Variants in DOCK1 observed in about 807,000 individuals in gnomAD.
DOCK1 encodes dedicator of cytokinesis 1.
A neutral mutation model predicts 262.7 loss-of-function variants in DOCK1; 138 were observed. That is an observed-to-expected ratio of 0.53 (90% confidence interval 0.46 to 0.61). The LOEUF (loss-of-function observed/expected upper bound fraction) is 0.61. Ranked by LOEUF, DOCK1 falls within the 20% of genes least tolerant of loss-of-function variation. The probability of loss-of-function intolerance (pLI) is 0.00; values close to 1 mark genes in which losing one functional copy is unlikely to be tolerated. For missense variants in DOCK1, 1,908 were observed against 2,370.7 expected, an observed-to-expected ratio of 0.80 and a Z score of 4.05; for synonymous variants, 866 against 867.4, an observed-to-expected ratio of 1.00 and a Z score of 0.03.
intron 33 of DOCK1, among the ~76,000 whole-genome samples, chr10:127,371,683 G>A (rs932896794): frequency 6.6e-6 from 1 of 152,014 alleles, no homozygotes; most frequent in African/African-American, 2.4e-5. Flanking sequence ...ATTTAATTTT[G>A]TGTCTCTATT....
chr10:127,117,661 G>A (rs1456859877), intron 25 of DOCK1, among the ~76,000 whole-genome samples: 1 of 152,070 alleles, frequency 6.6e-6, no homozygotes, highest in Non-Finnish European at 1.5e-5. Flanking sequence ...GTTGAGTTCT[G>A]CTGTCACTTC....
At chr10:127,117,015 G>T (rs573739399) in intron 25 of DOCK1, among the ~76,000 whole-genome samples, 18 of 152,178 alleles carry the variant, frequency 1.2e-4, no homozygotes, top group South Asian at 1.0e-3. Flanking sequence ...CCCTCATTCT[G>T]TATATCATTC....
At position 127,361,938 on chromosome 10, in the gene DOCK1, A is replaced by T. The variant is rs1034799487; in HGVS notation, c.3284-126A>T. 5 of 1,074,030 alleles carry T rather than the reference A, an allele frequency of 4.7e-6. No individual in the cohort carries two copies. In the African/African-American group the frequency reaches 8.0e-5, roughly 17 times the overall value. 66.5% of individuals were successfully genotyped at this position (1,074,030 alleles called of 1,614,324 possible). ...ATCATCATCTGCAGACGCGAAATGGATGCACATTTTCGGGATCCTGCTGCT... is the reference window on the plus strand; with the variant it reads ...ATCATCATCTGCAGACGCGAAATGGTTGCACATTTTCGGGATCCTGCTGCT... On this transcript the variant is annotated intron_variant, in intron 32 of 51. Coordinates refer to ENST00000623213, the MANE Select transcript of DOCK1 (RefSeq NM_001290223.2).
At chr10:127,068,226 G>A (rs1269020836) in intron 23 of DOCK1, among the ~76,000 whole-genome samples, 1 of 152,210 alleles carries the variant, frequency 6.6e-6, no homozygotes, top group Admixed American at 6.5e-5. Context: ...TCCTTATGAG[G>A]AGTTTTTGCT....
intron 27 of DOCK1, among the ~76,000 whole-genome samples, chr10:127,142,989 A>G (rs1445680366): frequency 6.6e-6 from 1 of 152,130 alleles, no homozygotes; most frequent in African/African-American, 2.4e-5. Context: ...TTTTCTTCCC[A>G]GAGACTGTGC....
At chr10:127,087,948 C>T (rs2047292996) in intron 23 of DOCK1, among the ~76,000 whole-genome samples, 2 of 152,226 alleles carry the variant, frequency 1.3e-5, no homozygotes, top group South Asian at 2.1e-4. Context: ...CTCTGATGAT[C>T]GTCTCAATTC....
intron 12 of DOCK1, 135 bp from the exon 13 acceptor site, chr10:127,018,575 C>T: frequency 7.0e-7 from 1 of 1,422,452 alleles, no homozygotes; most frequent in Non-Finnish European, 9.6e-7. Flanking sequence ...CCCTCTCTTT[C>T]TCATATACCC....
At chr10:127,230,265 T>C (rs2058793063) in intron 27 of DOCK1, among the ~76,000 whole-genome samples, 1 of 152,224 alleles carries the variant, frequency 6.6e-6, no homozygotes, top group African/African-American at 2.4e-5. Flanking sequence ...AGCTTTCTAG[T>C]TTGATTTAAC....
chr10:127,121,041 C>G (rs2049526813), intron 25 of DOCK1, among the ~76,000 whole-genome samples: 1 of 152,108 alleles, frequency 6.6e-6, no homozygotes, highest in African/African-American at 2.4e-5. Flanking sequence ...CTTAAACGCT[C>G]TAGATACAAA....
chr10:127,024,861 ATCC>A, intron 15 of DOCK1, 78 bp downstream of exon 15: 1 of 1,290,400 alleles, frequency 7.7e-7, no homozygotes, highest in South Asian at 1.5e-5. Flanking sequence ...ACATCCTAAC[ATCC>A]TCCTCAGCCC....
intron 32 of DOCK1, among the ~76,000 whole-genome samples, chr10:127,361,402 C>G (rs1049317785): frequency 2.0e-5 from 3 of 152,104 alleles, no homozygotes; most frequent in Admixed American, 2.0e-4. Flanking sequence ...GCGTGAGCCA[C>G]CACACCCGGC....
intron 48 of DOCK1, among the ~76,000 whole-genome samples, chr10:127,438,309 C>A (rs2069835716): frequency 6.6e-6 from 1 of 152,244 alleles, no homozygotes; most frequent in Non-Finnish European, 1.5e-5. Context: ...GCCTAAGATT[C>A]ATTTACTCCA....
chr10:127,200,817 T>C (rs1446594433), intron 27 of DOCK1, among the ~76,000 whole-genome samples: 2 of 152,232 alleles, frequency 1.3e-5, no homozygotes, highest in East Asian at 3.8e-4. Flanking sequence ...TCCCTTAACC[T>C]TAAACATCTA....
At chr10:127,040,300 C>T (rs575625215) in intron 19 of DOCK1, among the ~76,000 whole-genome samples, 10 of 152,326 alleles carry the variant, frequency 6.6e-5, no homozygotes, top group African/African-American at 2.4e-4. Flanking sequence ...ACATCCAGAC[C>T]AGCATGCCTT....
intron 29 of DOCK1, among the ~76,000 whole-genome samples, chr10:127,299,527 A>T (rs1481880616): frequency 6.6e-6 from 1 of 152,202 alleles, no homozygotes; most frequent in African/African-American, 2.4e-5. Flanking sequence ...AGTCAAGGAG[A>T]TTGCCAGCAA....
chr10:127,125,764 A>G (rs1351694622), intron 26 of DOCK1, among the ~76,000 whole-genome samples, 163 bp downstream of exon 26: 2 of 152,048 alleles, frequency 1.3e-5, no homozygotes, highest in Admixed American at 6.6e-5. Flanking sequence ...TTATTTATGT[A>G]TATATGGTGA....
chr10:127,118,838 T>C (rs2049351173), intron 25 of DOCK1, among the ~76,000 whole-genome samples: 1 of 152,212 alleles, frequency 6.6e-6, no homozygotes, highest in Non-Finnish European at 1.5e-5. Flanking sequence ...ACTAGGAAAC[T>C]AAGGTGCAGA....
At chr10:127,177,562 G>T (rs1270895111) in intron 27 of DOCK1, among the ~76,000 whole-genome samples, 1 of 152,238 alleles carries the variant, frequency 6.6e-6, no homozygotes, top group African/African-American at 2.4e-5. Context: ...GGGCCCGAGT[G>T]GCTGGAGCTG....
intron 1 of DOCK1, among the ~76,000 whole-genome samples, chr10:126,934,385 C>T (rs1449590483): frequency 6.6e-6 from 1 of 152,192 alleles, no homozygotes; most frequent in Non-Finnish European, 1.5e-5. Context: ...CTGTGGGGCT[C>T]GCCCCGACAC....
Sources: gnomAD v4.1 joint callset for allele counts (sites outside exome capture counted in the v4.1 genomes callset) on GRCh38, gnomAD v4.1.1 for gene constraint, MANE v1.5 for transcripts, NCBI Gene and HGNC (gene_info 2026-07-23, HGNC 2026-07-21) for gene names.